HPSE2: variants seen among roughly 807,000 people sequenced by gnomAD.
The protein encoded by HPSE2 is heparanase 2 (inactive).
In HPSE2, 38 loss-of-function variants were observed where a neutral mutation model predicts 60.5. The observed-to-expected ratio is 0.63, with a 90% CI of 0.48 to 0.82. HPSE2 has a LOEUF of 0.82. Ranked by LOEUF, HPSE2 falls within the 40% of genes least tolerant of loss-of-function variation. The pLI, the probability that HPSE2 is intolerant of heterozygous loss-of-function variation, is 0.00. For synonymous variants in HPSE2, 295 were observed against 293.2 expected, an observed-to-expected ratio of 1.01 and a Z score of -0.06; for missense variants, 713 against 740.4, an observed-to-expected ratio of 0.96 and a Z score of 0.43.
intron 3 of HPSE2, among the ~76,000 whole-genome samples, chr10:99,008,534 G>A (rs1440876312): frequency 1.3e-5 from 2 of 152,142 alleles, no homozygotes; most frequent in African/African-American, 4.8e-5. Flanking sequence ...TAATGTTTCT[G>A]CCCCACTGGA....
At chr10:98,710,866 T>C (rs756660518) in intron 5 of HPSE2, among the ~76,000 whole-genome samples, 3 of 152,184 alleles carry the variant, frequency 2.0e-5, no homozygotes, top group Non-Finnish European at 4.4e-5. Context: ...TATCTCACAA[T>C]TGGCCTAAGA....
chr10:98,814,042 T>C (rs1351632743), intron 3 of HPSE2, among the ~76,000 whole-genome samples: 3 of 152,178 alleles, frequency 2.0e-5, no homozygotes, highest in African/African-American at 7.2e-5. Flanking sequence ...AAGTACCTTG[T>C]TATAGGTTAC....
At chr10:98,733,494 A>C (rs1399463112) in intron 4 of HPSE2, among the ~76,000 whole-genome samples, 1 of 152,122 alleles carries the variant, frequency 6.6e-6, no homozygotes, top group East Asian at 1.9e-4. Flanking sequence ...AAAAAGTAAT[A>C]ACCATAGGGC....
intron 9 of HPSE2, among the ~76,000 whole-genome samples, chr10:98,597,769 G>A (rs2133933544): frequency 6.6e-6 from 1 of 151,760 alleles, no homozygotes; most frequent in Non-Finnish European, 1.5e-5. Flanking sequence ...TCAGGAGTTT[G>A]AGACCAGCTT....
chr10:98,550,860 T>G (rs1943843830), intron 9 of HPSE2, among the ~76,000 whole-genome samples: 1 of 152,046 alleles, frequency 6.6e-6, no homozygotes, highest in Admixed American at 6.6e-5. Flanking sequence ...CCTCTCACCT[T>G]GGCCTCCCAA....
At chr10:99,177,068 T>A (rs764037431) in intron 2 of HPSE2, among the ~76,000 whole-genome samples, 1 of 151,870 alleles carries the variant, frequency 6.6e-6, no homozygotes, top group Non-Finnish European at 1.5e-5. Flanking sequence ...AACAAGCAAA[T>A]GCGCAGAGAT....
intron 4 of HPSE2, among the ~76,000 whole-genome samples, chr10:98,741,696 T>C (rs888800267): frequency 6.6e-6 from 1 of 152,182 alleles, no homozygotes; most frequent in Non-Finnish European, 1.5e-5. Context: ...GTTGAGATGT[T>C]TTACAAACCA....
intron 1 of HPSE2, among the ~76,000 whole-genome samples, chr10:99,233,546 G>A (rs2133954692): frequency 1.3e-5 from 2 of 152,324 alleles, no homozygotes; most frequent in African/African-American, 4.8e-5. Context: ...ATAATGCAGA[G>A]GGGATCAGCT....
chr10:99,103,807 C>T (rs1054247980), intron 3 of HPSE2, among the ~76,000 whole-genome samples: 10 of 152,120 alleles, frequency 6.6e-5, no homozygotes, highest in African/African-American at 1.9e-4. Context: ...TGGAACAGAA[C>T]AGAGGCCTCA....
intron 3 of HPSE2, among the ~76,000 whole-genome samples, chr10:98,936,716 C>T (rs1246174993): frequency 7.0e-6 from 1 of 142,872 alleles, no homozygotes; most frequent in Non-Finnish European, 1.5e-5. Context: ...TGCGGTGGCT[C>T]ACGCCTGTAA....
rs1303340909 is a variant in HPSE2, at chr10:98,817,715, T to C, written c.611-73659A>G. 2.0e-5 allele frequency among the ~76,000 whole-genome samples: 3 copies of C among 152,208 alleles called. No individual in the cohort carries two copies. The East Asian group carries it at 5.8e-4, about 29-fold the overall frequency. ...TAAAGCTTCCCTTGATTCCCGTTTC[T>C]GTTAAAACTGTTCAAATTCACCCTT... On this transcript the variant is annotated intron_variant, in intron 3 of 11. Transcript: ENST00000370552.
chr10:99,196,022 G>A (rs986487844), intron 2 of HPSE2, among the ~76,000 whole-genome samples: 5 of 151,886 alleles, frequency 3.3e-5, no homozygotes, highest in Admixed American at 2.0e-4. Flanking sequence ...ATAGATCAAC[G>A]GACAGAATAG....
chr10:98,542,498 GAGA>G (rs1163806292), intron 9 of HPSE2, among the ~76,000 whole-genome samples: 1 of 152,080 alleles, frequency 6.6e-6, no homozygotes, highest in Non-Finnish European at 1.5e-5. Context: ...GACGAGCTGA[GAGA>G]AGAAGGCTTC....
At chr10:98,747,431 AAC>A (rs1258035437) in intron 3 of HPSE2, among the ~76,000 whole-genome samples, 1 of 152,216 alleles carries the variant, frequency 6.6e-6, no homozygotes, top group African/African-American at 2.4e-5. Flanking sequence ...TAGAAACACA[AAC>A]ACACATCAAA....
At chr10:98,618,822 C>T (rs1945993444) in intron 8 of HPSE2, among the ~76,000 whole-genome samples, 1 of 152,134 alleles carries the variant, frequency 6.6e-6, no homozygotes, top group Non-Finnish European at 1.5e-5. Context: ...AGTGATCTGT[C>T]CACTTTGGCC....
At chr10:98,719,727 GA>G (rs1213841613) in intron 5 of HPSE2, among the ~76,000 whole-genome samples, 181 of 142,382 alleles carry the variant, frequency 1.3e-3, no homozygotes, top group Admixed American at 2.5e-3. Flanking sequence ...AAAAGAAGAA[GA>G]AAAAAAACTA....
At chr10:98,838,555 G>A (rs564386168) in intron 3 of HPSE2, among the ~76,000 whole-genome samples, 16 of 150,506 alleles carry the variant, frequency 1.1e-4, no homozygotes, top group Middle Eastern at 3.4e-3. Context: ...CCCCCGAGTA[G>A]CTGTGATTAC....
chr10:99,094,540 A>ATTTTTTTT (rs531721304), intron 3 of HPSE2, among the ~76,000 whole-genome samples: 3 of 26,612 alleles, frequency 1.1e-4, no homozygotes, highest in Admixed American at 8.3e-4. Context: ...ATATATATAT[A>ATTTTTTTT]TTTTTTTTTT....
intron 3 of HPSE2, among the ~76,000 whole-genome samples, chr10:98,759,846 G>C (rs1267094097): frequency 6.6e-6 from 1 of 152,066 alleles, no homozygotes; most frequent in Non-Finnish European, 1.5e-5. Context: ...TTGGAATTTT[G>C]ATATGAATTG....
Sources: allele counts gnomAD v4.1 joint callset (sites outside exome capture counted in the v4.1 genomes callset), GRCh38; gene constraint gnomAD v4.1.1; transcripts MANE v1.5; gene names NCBI Gene and HGNC (gene_info 2026-07-23, HGNC 2026-07-21).